The following ABCA13 variants were observed in gnomAD, a reference collection of about 807,000 sequenced individuals.
ABCA13 encodes the protein ATP-binding cassette sub-family A member 13.
ABCA13 carries 476 observed loss-of-function variants against 478.7 expected under a neutral mutation model. The ratio of observed to expected loss-of-function variants is 0.99; its 90% CI spans 0.92 to 1.07. ABCA13 has a LOEUF of 1.07. ABCA13 is among the 50% of genes least tolerant of loss of function. ABCA13 has a pLI of 0.00. For synonymous variants in ABCA13, 2,252 were observed against 2,158.9 expected (o/e 1.04, Z -1.20); for missense variants, 6,060 against 5,910.6 (o/e 1.03, Z -0.83).
chr7:48,641,588 G>T (rs528358292), intron 59 of ABCA13, among the ~76,000 whole-genome samples: 58 of 152,316 alleles, frequency 3.8e-4, no homozygotes, highest in African/African-American at 1.3e-3. Context: ...ACTGGTACGT[G>T]GAGGAGCTGG....
chr7:48,422,996 A>G (rs1178494372), intron 41 of ABCA13, among the ~76,000 whole-genome samples: 1 of 152,234 alleles, frequency 6.6e-6, no homozygotes, highest in African/African-American at 2.4e-5. Flanking sequence ...GAAGGCCCAT[A>G]TTAGGCTTCT....
At chr7:48,558,773 T>A (rs1786135288) in intron 55 of ABCA13, among the ~76,000 whole-genome samples, 1 of 152,250 alleles carries the variant, frequency 6.6e-6, no homozygotes, top group Non-Finnish European at 1.5e-5. Context: ...CATATCTCTG[T>A]TTCTCCAGGA....
chr7:48,227,663 G>C (rs938457089), intron 6 of ABCA13, among the ~76,000 whole-genome samples: 2 of 152,018 alleles, frequency 1.3e-5, no homozygotes, highest in African/African-American at 4.8e-5. Context: ...AAAAGTCAGC[G>C]CCATATTTTA....
At chr7:48,549,102 T>C (rs117102664) in intron 55 of ABCA13, among the ~76,000 whole-genome samples, 4,241 of 151,930 alleles carry the variant, frequency 0.028, 141 homozygotes, top group East Asian at 0.079. Flanking sequence ...AATGTGCAGG[T>C]TTGTTACTTA....
chr7:48,240,835 T>G (rs371122821), intron 9 of ABCA13, 32 bp from the exon 10 acceptor site: 14 of 1,462,384 alleles, frequency 9.6e-6, no homozygotes. Context: ...TTGCTATTAT[T>G]AATGCTAGTA....
At chr7:48,444,750 C>A (rs1373526240) in intron 42 of ABCA13, among the ~76,000 whole-genome samples, 1 of 152,190 alleles carries the variant, frequency 6.6e-6, no homozygotes, top group Non-Finnish European at 1.5e-5. Context: ...GCCTGCTGAG[C>A]AACTCCATTC....
chr7:48,623,131 C>T (rs1446430777), intron 59 of ABCA13, among the ~76,000 whole-genome samples: 1 of 152,200 alleles, frequency 6.6e-6, no homozygotes, highest in African/African-American at 2.4e-5. Context: ...CAAACTCTCG[C>T]TGCATCTTCA....
At chr7:48,471,415 G>T in intron 44 of ABCA13, 115 bp from the exon 45 acceptor site, 1 of 901,900 alleles carries the variant, frequency 1.1e-6, no homozygotes. Flanking sequence ...CTTCTCGGCA[G>T]TGGGAGATGA....
chr7:48,559,795 C>T (rs775028608), intron 55 of ABCA13, among the ~76,000 whole-genome samples: 4 of 152,154 alleles, frequency 2.6e-5, no homozygotes, highest in Non-Finnish European at 5.9e-5. Context: ...CAGCGGGTTC[C>T]CTTCTGGCTG....
chr7:48,207,176 A>G (rs1785037397), intron 3 of ABCA13, among the ~76,000 whole-genome samples: 1 of 152,048 alleles, frequency 6.6e-6, no homozygotes. Context: ...TAATATACGT[A>G]CTACATTTTC....
chr7:48,363,402 A>T (rs952567375), intron 31 of ABCA13, among the ~76,000 whole-genome samples: 1 of 152,178 alleles, frequency 6.6e-6, no homozygotes, highest in Non-Finnish European at 1.5e-5. Flanking sequence ...AATAAATTTT[A>T]TAAGAGTATG....
At position 48,312,423 on chromosome 7, in the gene ABCA13, C is replaced by T. The variant is rs375034233; in HGVS notation, c.9517-644C>T. On this transcript the variant is annotated intron_variant, in intron 24 of 61. Coordinates refer to ENST00000435803, the MANE Select transcript of ABCA13 (RefSeq NM_152701.5). ...GATCAAGACAGAAGAAAAGCCTTGCCTCCAGTGTAGAACTGAGAATATGAA... is the reference window on the plus strand; with the variant it reads ...GATCAAGACAGAAGAAAAGCCTTGCTTCCAGTGTAGAACTGAGAATATGAA... Among the ~76,000 whole-genome samples, 118 of 151,306 alleles carry T rather than the reference C, an allele frequency of 7.8e-4. 4 individuals are homozygous for T. In the South Asian group the frequency reaches 0.012, roughly 15 times the overall value.
intron 57 of ABCA13, among the ~76,000 whole-genome samples, chr7:48,588,524 G>C (rs2131402115): frequency 6.6e-6 from 1 of 152,292 alleles, no homozygotes. Context: ...GCCCAAACCT[G>C]TGACAGAGTG....
chr7:48,359,943 AT>A (rs1208424581), intron 31 of ABCA13, among the ~76,000 whole-genome samples: 1 of 152,076 alleles, frequency 6.6e-6, no homozygotes, highest in Non-Finnish European at 1.5e-5. Context: ...AGAAAAAGCA[AT>A]GGTGACAATT....
At position 48,524,334 on chromosome 7, in the gene ABCA13, C is replaced by A. The variant is rs193229571; in HGVS notation, c.14138C>A (p.Thr4713Asn). The A allele has an allele frequency of 1.5e-4, 238 of 1,613,176 alleles. 1 individual carries two copies. In the African/African-American group the frequency reaches 2.5e-3, roughly 17 times the overall value. ...KEEKRVFEGR[T>N]NGDILVLYNL... is the part of the protein sequence containing the mutation. ...GAAAAGAGAGTGTTTGAAGGAAGGA[C>A]CAATGGAGACATTCTTGTGTTATAC... The change falls in exon 54 of 62, where the codon ACC (threonine) becomes AAC (asparagine). Residue 4713 changes from threonine to asparagine, a missense_variant. Physicochemically the swap from Thr to Asn is moderately conservative, Grantham distance 65. Transcript: ENST00000435803.
chr7:48,581,834 T>G (rs1489033546), intron 56 of ABCA13, among the ~76,000 whole-genome samples: 2 of 152,248 alleles, frequency 1.3e-5, no homozygotes, highest in Non-Finnish European at 2.9e-5. Context: ...TGCACACTTT[T>G]GCATCTGTTT....
At chr7:48,359,550 C>T (rs1428898496) in intron 31 of ABCA13, among the ~76,000 whole-genome samples, 1 of 151,910 alleles carries the variant, frequency 6.6e-6, no homozygotes, top group Non-Finnish European at 1.5e-5. Context: ...TTCTCTTCAG[C>T]AGTTGCCCCC....
chr7:48,458,469 C>T (rs1400450389), intron 43 of ABCA13, among the ~76,000 whole-genome samples: 1 of 152,170 alleles, frequency 6.6e-6, no homozygotes, highest in Admixed American at 6.5e-5. Context: ...TAATTCAGGC[C>T]TGCATGTGGC....
At chr7:48,528,899 C>T (rs1035360978) in intron 55 of ABCA13, among the ~76,000 whole-genome samples, 1 of 152,178 alleles carries the variant, frequency 6.6e-6, no homozygotes, top group African/African-American at 2.4e-5. Context: ...GGGCACCCTG[C>T]ACACTCAGAG....
Sources: allele counts gnomAD v4.1 joint callset (sites outside exome capture counted in the v4.1 genomes callset), GRCh38; gene constraint gnomAD v4.1.1; transcripts MANE v1.5; gene names NCBI Gene and HGNC (gene_info 2026-07-23, HGNC 2026-07-21).